Variants in LARGE1 observed in about 807,000 individuals in gnomAD.
LARGE1 encodes LARGE xylosyl- and glucuronyltransferase 1, also known as xylosyl- and glucuronyltransferase LARGE1.
A neutral mutation model predicts 87.6 loss-of-function variants in LARGE1; 43 were observed. The observed-to-expected ratio is 0.49, with a 90% CI of 0.38 to 0.63. The LOEUF is 0.63. Among genes scored for constraint, LARGE1 ranks in the 30% least tolerant of loss-of-function variants. The pLI is 0.00. For synonymous variants in LARGE1, 434 were observed against 394.6 expected (o/e 1.10, Z -1.18); for missense variants, 802 against 1,000.2 (o/e 0.80, Z 2.67).
intron 6 of LARGE1, among the ~76,000 whole-genome samples, chr22:33,550,270 ACCAAGT>A (rs1402616424): frequency 9.2e-5 from 14 of 152,208 alleles, no homozygotes; most frequent in African/African-American, 2.4e-4. Context: ...ACTTAAAACT[ACCAAGT>A]CCACTACATA....
chr22:33,329,096 C>T (rs919060388), intron 10 of LARGE1, among the ~76,000 whole-genome samples: 2 of 152,256 alleles, frequency 1.3e-5, no homozygotes, highest in South Asian at 2.1e-4. Context: ...TAATACCTAT[C>T]GTAGGGATAC....
At chr22:33,605,560 G>A (rs954160356) in intron 4 of LARGE1, among the ~76,000 whole-genome samples, 24 of 152,144 alleles carry the variant, frequency 1.6e-4, no homozygotes, top group Admixed American at 2.6e-4. Flanking sequence ...TGCAAAATAC[G>A]GCACATCAAA....
intron 7 of LARGE1, among the ~76,000 whole-genome samples, chr22:33,390,998 A>T (rs1464130075): frequency 6.6e-6 from 1 of 151,864 alleles, no homozygotes; most frequent in African/African-American, 2.4e-5. Flanking sequence ...CACCCAGCTA[A>T]TTTTTTGTAT....
intron 2 of LARGE1, among the ~76,000 whole-genome samples, chr22:33,714,442 A>G (rs1245421723): frequency 6.6e-6 from 1 of 152,208 alleles, no homozygotes; most frequent in African/African-American, 2.4e-5. Flanking sequence ...AATTACACTC[A>G]CTTAGTAGAA....
At chr22:33,597,318 C>A (rs2079005298) in intron 5 of LARGE1, among the ~76,000 whole-genome samples, 1 of 150,010 alleles carries the variant, frequency 6.7e-6, no homozygotes, top group South Asian at 2.1e-4. Flanking sequence ...ATTAAGCCTT[C>A]TTCCCACCCT....
At chr22:33,346,052 G>A (rs1296879392) in intron 9 of LARGE1, among the ~76,000 whole-genome samples, 1 of 152,110 alleles carries the variant, frequency 6.6e-6, no homozygotes, top group Non-Finnish European at 1.5e-5. Context: ...TAGCCTGATA[G>A]GTAGGCCTGA....
chr22:33,555,259 C>A (rs1469711038), intron 6 of LARGE1, among the ~76,000 whole-genome samples: 2 of 152,078 alleles, frequency 1.3e-5, no homozygotes, highest in Non-Finnish European at 2.9e-5. Flanking sequence ...ATTTTGGTAT[C>A]CGTGGGAGGT....
intron 1 of LARGE1, among the ~76,000 whole-genome samples, chr22:33,782,633 G>T (rs1181363582): frequency 6.6e-6 from 1 of 152,062 alleles, no homozygotes; most frequent in Non-Finnish European, 1.5e-5. Context: ...TTGGGAGGCC[G>T]AGGCGGGCGC....
chr22:33,258,086 T>C (rs1306884229), intron 11 of LARGE1, among the ~76,000 whole-genome samples: 1 of 152,132 alleles, frequency 6.6e-6, no homozygotes, highest in African/African-American at 2.4e-5. Context: ...TGGAGTGCAG[T>C]GATACGATCT....
chr22:33,138,581 T>C, the LARGE1 span, among the ~76,000 whole-genome samples: 4,174 of 152,144 alleles, frequency 0.027, 190 homozygotes, highest in African/African-American at 0.096. Flanking sequence ...GTAGCTGAGA[T>C]TACAGGCATG....
At chr22:33,564,672 T>G (rs2077968818) in intron 6 of LARGE1, among the ~76,000 whole-genome samples, 176 bp downstream of exon 6, 2 of 152,272 alleles carry the variant, frequency 1.3e-5, no homozygotes, top group Non-Finnish European at 2.9e-5. Context: ...TGTTTTACTC[T>G]ATTATTTTTC....
chr22:33,225,695 T>C (rs567499407), intron 11 of LARGE1, among the ~76,000 whole-genome samples: 2 of 151,944 alleles, frequency 1.3e-5, no homozygotes, highest in East Asian at 1.9e-4. Flanking sequence ...CCAATAGTTA[T>C]TTTTTTTCTG....
intron 1 of LARGE1, among the ~76,000 whole-genome samples, chr22:33,915,042 C>CACACACACACAGAGAG (rs144076486): frequency 4.4e-5 from 6 of 137,032 alleles, no homozygotes; most frequent in East Asian, 2.3e-4. Context: ...CACACACACA[C>CACACACACACAGAGAG]AGAGAGAGAG....
intron 5 of LARGE1, among the ~76,000 whole-genome samples, chr22:33,588,529 G>A (rs2078745095): frequency 6.6e-6 from 1 of 152,184 alleles, no homozygotes; most frequent in East Asian, 1.9e-4. Flanking sequence ...GTGTGTGTGT[G>A]TGTGTGCGCA....
intron 6 of LARGE1, among the ~76,000 whole-genome samples, chr22:33,489,183 G>A (rs1299931753): frequency 6.6e-6 from 1 of 152,196 alleles, no homozygotes; most frequent in Admixed American, 6.5e-5. Context: ...GAGAAAACAG[G>A]CAGCAGAAAA....
the LARGE1 span, among the ~76,000 whole-genome samples, chr22:33,131,376 C>A: frequency 0.34 from 51,704 of 151,854 alleles, 9,007 homozygotes; most frequent in South Asian, 0.46. Flanking sequence ...TTCTGCCTTC[C>A]TTTATCCCTA....
chr22:33,572,917 T>C (rs1314459716), intron 5 of LARGE1, among the ~76,000 whole-genome samples: 1 of 152,082 alleles, frequency 6.6e-6, no homozygotes, highest in Non-Finnish European at 1.5e-5. Flanking sequence ...TAACAACACA[T>C]AGTCTGGAGA....
intron 5 of LARGE1, among the ~76,000 whole-genome samples, chr22:33,598,146 A>G (rs2079027435): frequency 6.6e-6 from 1 of 152,182 alleles, no homozygotes; most frequent in South Asian, 2.1e-4. Flanking sequence ...TAAGCCACAG[A>G]GAGGGAAACA....
At chr22:33,757,894 C>A (rs927624944) in intron 2 of LARGE1, among the ~76,000 whole-genome samples, 5 of 152,192 alleles carry the variant, frequency 3.3e-5, no homozygotes, top group African/African-American at 9.7e-5. Context: ...TTCATGGAGG[C>A]ATTGCCTTTG....
Sources: allele counts gnomAD v4.1 joint callset (sites outside exome capture counted in the v4.1 genomes callset), GRCh38; gene constraint gnomAD v4.1.1; transcripts MANE v1.5; gene names NCBI Gene and HGNC (gene_info 2026-07-23, HGNC 2026-07-21).